The following XYLT1 variants were observed in gnomAD, a reference collection of about 807,000 sequenced individuals.
The protein encoded by XYLT1 is xylosyltransferase 1.
Under a neutral mutation model 91.3 loss-of-function variants are expected in XYLT1, and 36 were observed. That is an observed-to-expected ratio of 0.39 (90% confidence interval 0.30 to 0.52). The LOEUF (loss-of-function observed/expected upper bound fraction) is 0.52. XYLT1 is among the 20% of genes least tolerant of loss of function. The pLI, the probability that XYLT1 is intolerant of heterozygous loss-of-function variation, is 0.68. For missense variants in XYLT1, 1,242 were observed against 1,284.5 expected (o/e 0.97, Z 0.51); for synonymous variants, 588 against 532.0 (o/e 1.11, Z -1.45).
At chr16:17,344,443 A>C (rs1370806708) in intron 2 of XYLT1, among the ~76,000 whole-genome samples, 1 of 150,004 alleles carries the variant, frequency 6.7e-6, no homozygotes, top group Non-Finnish European at 1.5e-5. Flanking sequence ...CAGTGAGCCG[A>C]GATCACGCCA....
At chr16:17,338,094 A>C (rs1228674545) in intron 2 of XYLT1, 1 of 428,886 alleles carries the variant, frequency 2.3e-6, no homozygotes, top group Non-Finnish European at 4.7e-6. Context: ...ATGGCCCTCA[A>C]ATCTGTCCCC....
At chr16:17,336,809 C>A (rs1332355639) in intron 2 of XYLT1, among the ~76,000 whole-genome samples, 1 of 152,222 alleles carries the variant, frequency 6.6e-6, no homozygotes, top group East Asian at 1.9e-4. Flanking sequence ...CAGTGGCTGC[C>A]TCTTCAGGGG....
chr16:17,395,290 G>A (rs1181587573), intron 1 of XYLT1, among the ~76,000 whole-genome samples: 1 of 152,038 alleles, frequency 6.6e-6, no homozygotes, highest in Non-Finnish European at 1.5e-5. Context: ...ATTACAATTC[G>A]AGATGAGAGC....
chr16:17,414,580 C>T (rs1261886291), intron 1 of XYLT1, among the ~76,000 whole-genome samples: 3 of 152,196 alleles, frequency 2.0e-5, no homozygotes, highest in South Asian at 2.1e-4. Context: ...TTGCTTTCTC[C>T]GCTTCCTCCC....
chr16:17,299,075 C>T (rs1223769909), intron 2 of XYLT1, among the ~76,000 whole-genome samples: 8 of 152,076 alleles, frequency 5.3e-5, no homozygotes, highest in Non-Finnish European at 8.8e-5. Context: ...CCAACTAGAA[C>T]GCAAGCTACT....
At chr16:17,352,363 C>T (rs970342597) in intron 2 of XYLT1, among the ~76,000 whole-genome samples, 43 of 152,258 alleles carry the variant, frequency 2.8e-4, no homozygotes, top group African/African-American at 1.0e-3. Context: ...ACTGGATGGC[C>T]CTGAATTTAA....
At chr16:17,233,486 G>T (rs1218970132) in intron 3 of XYLT1, among the ~76,000 whole-genome samples, 1 of 152,254 alleles carries the variant, frequency 6.6e-6, no homozygotes, top group East Asian at 1.9e-4. Context: ...GTGTGGTGCA[G>T]GGCTCTGCGC....
chr16:17,208,546 A>G (rs1276745938), intron 3 of XYLT1, among the ~76,000 whole-genome samples: 2 of 152,220 alleles, frequency 1.3e-5, no homozygotes, highest in African/African-American at 4.8e-5. Flanking sequence ...CATAGCCTGA[A>G]AGTAATTTTA....
In XYLT1 at chr16:17,198,285, G is replaced by A. The variant is rs201009902; in HGVS notation, c.1216C>T (p.Arg406Trp). 101 of 1,614,072 alleles carry A rather than the reference G, an allele frequency of 6.3e-5. 1 individual carries two copies. Among genetic ancestry groups the A allele is most frequent in the Non-Finnish European group, 7.9e-5 (93 of 1,180,026 alleles). ...CAGTCGGTCATCTCCAGGAGGTCCC[G>A]CATGCTCTGCAGGTAGGTGGACAGG... ...SLLSTYLQSM[R>W]DLLEMTDWPW... is the part of the protein sequence containing the mutation. Residue 406 changes from arginine to tryptophan, a missense_variant, in exon 5 of 12, where the codon CGG (arginine) becomes TGG (tryptophan). Arg to Trp is a moderately radical substitution (Grantham distance 101, BLOSUM62 -3). Transcript: ENST00000261381.
At chr16:17,364,156 T>C (rs529061744) in intron 1 of XYLT1, among the ~76,000 whole-genome samples, 204 of 152,302 alleles carry the variant, frequency 1.3e-3, no homozygotes, top group Non-Finnish European at 2.2e-3. Context: ...AACAACCACC[T>C]AGCACCACTT....
chr16:17,104,435 G>T lies in XYLT1; in HGVS notation c.*4260C>A, dbSNP rs1190149637. 6.6e-6 allele frequency: 1 copy of T among 152,190 alleles called. No homozygotes were observed. The highest frequency in any genetic ancestry group is 1.5e-5 in the Non-Finnish European group (1 of 68,050). 9.4% of individuals were successfully genotyped at this position (152,190 alleles called of 1,614,324 possible). On this transcript the variant is annotated 3_prime_UTR_variant, in exon 12 of 12. Coordinates refer to ENST00000261381, the MANE Select transcript of XYLT1 (RefSeq NM_022166.4). ...TGATCCATCCCCCCTCTGTGGAATG[G>T]TCTCTTGAGGAGTGGAATGACTTAG...
At chr16:17,241,270 G>A (rs2033341715) in intron 3 of XYLT1, among the ~76,000 whole-genome samples, 1 of 152,234 alleles carries the variant, frequency 6.6e-6, no homozygotes, top group African/African-American at 2.4e-5. Flanking sequence ...AACAAGGGGA[G>A]AGAGGGAGGC....
At chr16:17,224,278 T>C (rs1432166268) in intron 3 of XYLT1, among the ~76,000 whole-genome samples, 2 of 152,164 alleles carry the variant, frequency 1.3e-5, no homozygotes, top group African/African-American at 2.4e-5. Context: ...AGGTGAACCA[T>C]TTACAAAGCC....
At chr16:17,284,804 C>T (rs978565766) in intron 2 of XYLT1, among the ~76,000 whole-genome samples, 1 of 152,162 alleles carries the variant, frequency 6.6e-6, no homozygotes. Context: ...ATTTAAAAAG[C>T]AAAGCTCTCA....
At chr16:17,285,305 A>G (rs1247701000) in intron 2 of XYLT1, among the ~76,000 whole-genome samples, 5 of 152,218 alleles carry the variant, frequency 3.3e-5, no homozygotes, top group African/African-American at 1.2e-4. Flanking sequence ...TTAAATCAGA[A>G]TTCAAATGAG....
rs2035720013 is a variant in XYLT1, at chr16:17,384,264, C to T, written c.364-26214G>A. ...TGAGCAGGTAGGAGTTGATGCTGTA[C>T]AACCAATCCCAGGTAAGTAGGTGGT... On this transcript the variant is annotated intron_variant, in intron 1 of 11. Transcript: ENST00000261381. 7.3e-5 allele frequency among the ~76,000 whole-genome samples: 11 copies of T among 151,632 alleles called. No individual in the cohort carries two copies. The Admixed American group carries it at 7.3e-4, about 10-fold the overall frequency.
At chr16:17,316,483 A>G (rs980627886) in intron 2 of XYLT1, among the ~76,000 whole-genome samples, 7 of 150,870 alleles carry the variant, frequency 4.6e-5, no homozygotes, top group African/African-American at 1.7e-4. Flanking sequence ...TGCAGCCTCT[A>G]CCTCCTGGGC....
intron 7 of XYLT1, among the ~76,000 whole-genome samples, chr16:17,140,382 C>T (rs937577122): frequency 4.6e-5 from 7 of 152,112 alleles, no homozygotes; most frequent in East Asian, 3.9e-4. Context: ...ATGTGGCGGC[C>T]GGGCATGGTG....
chr16:17,327,603 CCCG>C (rs1417620162), intron 2 of XYLT1, among the ~76,000 whole-genome samples: 6 of 340 alleles, frequency 0.018, no homozygotes, highest in African/African-American at 0.055. Context: ...ACCTCGTGAT[CCCG>C]CCCCCCCCCC....
Sources: allele counts gnomAD v4.1 joint callset (sites outside exome capture counted in the v4.1 genomes callset), GRCh38; gene constraint gnomAD v4.1.1; transcripts MANE v1.5; gene names NCBI Gene and HGNC (gene_info 2026-07-23, HGNC 2026-07-21).